Variants in PCDHGB4 observed in about 807,000 individuals in gnomAD.
PCDHGB4 encodes the protein protocadherin gamma subfamily B, 4.
In PCDHGB4, 38 loss-of-function variants were observed where a neutral mutation model predicts 60.5. The observed-to-expected ratio is 0.63, with a 90% confidence interval of 0.48 to 0.82. The LOEUF (loss-of-function observed/expected upper bound fraction) is 0.82, where lower values mean the gene tolerates loss of function less well. Ranked by LOEUF, PCDHGB4 falls within the 40% of genes least tolerant of loss-of-function variation. The pLI is 0.00. For synonymous variants in PCDHGB4, 456 were observed against 509.7 expected, an observed-to-expected ratio of 0.89 and a Z score of 1.42; for missense variants, 1,109 against 1,209.6, an observed-to-expected ratio of 0.92 and a Z score of 1.23.
At chr5:141,430,567 A>G in intron 1 of PCDHGB4, 1 of 434,308 alleles carries the variant, frequency 2.3e-6, no homozygotes, top group Non-Finnish European at 3.9e-6. Context: ...GGGGAGAGAA[A>G]AGCGGAGATC....
rs1345800081 is a variant in PCDHGB4, at chr5:141,485,453, G to A, written c.2398-9354G>A. 1 of 1,614,176 alleles carries A rather than the reference G, an allele frequency of 6.2e-7. No homozygotes were observed. The highest frequency in any genetic ancestry group is 8.5e-7 in the Non-Finnish European group (1 of 1,180,036). On this transcript the variant is annotated intron_variant, in intron 1 of 3. Transcript: ENST00000519479. The surrounding 1 kb of genome is among the most constrained non-coding windows in gnomAD (Gnocchi z 5.7). ...CATCAAGAACCCAATCGACCGAGAG[G>A]CACTGTGTGGGCTCAGTGCCAGCTG...
intron 1 of PCDHGB4, among the ~76,000 whole-genome samples, chr5:141,456,876 T>C (rs188356008): frequency 1.5e-3 from 222 of 152,196 alleles, no homozygotes; most frequent in African/African-American, 5.2e-3. Flanking sequence ...GGCAGGAGAA[T>C]CGCTTGAACC....
At chr5:141,479,590 A>T (rs2099500448) in intron 1 of PCDHGB4, 1 of 152,182 alleles carries the variant, frequency 6.6e-6, no homozygotes, top group Non-Finnish European at 1.5e-5. Context: ...TAGCCACTGC[A>T]CTCCAGCCTA....
chr5:141,408,699 CAATT>C (rs778787749), intron 1 of PCDHGB4: 9 of 1,613,534 alleles, frequency 5.6e-6, no homozygotes, highest in Non-Finnish European at 6.8e-6. Flanking sequence ...AACATAAACT[CAATT>C]AAAGATTATA....
intron 1 of PCDHGB4, chr5:141,409,179 G>T (rs761754962): frequency 1.2e-5 from 20 of 1,613,988 alleles, no homozygotes; most frequent in Non-Finnish European, 1.6e-5. Context: ...GACGGAGGTG[G>T]TCTCTCTACC....
At position 141,388,696 on chromosome 5, in the gene PCDHGB4, AGG is replaced by A. The variant is rs1404425662; in HGVS notation, c.814_815del (p.Gly272CysfsTer11). 1.2e-6 allele frequency: 2 copies of A among 1,613,882 alleles called. No homozygotes were observed. The highest frequency in any genetic ancestry group is 1.7e-6 in the Non-Finnish European group (2 of 1,179,900). The stretch of plus-strand genomic sequence containing the variant: ...CAGGTGACTGCCACGGACCAGGATG[AGG>A]GTGTCAATGCCGAGATTACTTTCTC... On this transcript the variant is annotated frameshift_variant, in exon 1 of 4. Transcript: ENST00000519479. LOFTEE classifies it high-confidence loss of function.
At chr5:141,455,740 G>C (rs2098830344) in intron 1 of PCDHGB4, among the ~76,000 whole-genome samples, 1 of 152,136 alleles carries the variant, frequency 6.6e-6, no homozygotes, top group Non-Finnish European at 1.5e-5. Context: ...GCATATCAAA[G>C]GTTGCTGGCC....
chr5:141,494,977 T>C, intron 2 of PCDHGB4, 112 bp downstream of exon 2: 1 of 1,574,332 alleles, frequency 6.4e-7, no homozygotes, highest in East Asian at 2.3e-5. Context: ...TCTCCCTCAG[T>C]TTGAGATCCC....
chr5:141,407,971 G>A, intron 1 of PCDHGB4: 2 of 717,762 alleles, frequency 2.8e-6, no homozygotes, highest in South Asian at 2.3e-5. Flanking sequence ...AAGCGCTGAC[G>A]CCGGGGATCC....
At chr5:141,471,217 T>G (rs2099252724) in intron 1 of PCDHGB4, 1 of 151,568 alleles carries the variant, frequency 6.6e-6, no homozygotes, top group South Asian at 2.1e-4. Context: ...GCCTGGCAAT[T>G]TTTTTGTATT....
chr5:141,405,407 C>G, intron 1 of PCDHGB4: 2 of 1,582,052 alleles, frequency 1.3e-6, no homozygotes, highest in Non-Finnish European at 1.7e-6. Flanking sequence ...TCTTTCTTTT[C>G]TTTTTTTGTT....
intron 1 of PCDHGB4, among the ~76,000 whole-genome samples, chr5:141,471,076 T>C (rs1463083616): frequency 1.5e-5 from 2 of 136,094 alleles, no homozygotes; most frequent in Non-Finnish European, 3.1e-5. Context: ...TGAGACAGGG[T>C]CTCCCTCTGT....
At chr5:141,423,346 G>T in intron 1 of PCDHGB4, 1 of 1,614,214 alleles carries the variant, frequency 6.2e-7, no homozygotes, top group South Asian at 1.1e-5. Context: ...CATCTTCCTG[G>T]TCTTTGTCAT....
chr5:141,433,256 C>T, intron 1 of PCDHGB4: 2 of 1,385,666 alleles, frequency 1.4e-6, no homozygotes, highest in Non-Finnish European at 2.0e-6. Context: ...TGCAGCGGTA[C>T]GATCATAGCT....
At chr5:141,430,595 G>T (rs549786394) in intron 1 of PCDHGB4, 3 of 567,018 alleles carry the variant, frequency 5.3e-6, no homozygotes, top group African/African-American at 1.9e-5. Context: ...CCTTGCACGC[G>T]CCTGAAGCAC....
chr5:141,486,555 A>T lies in PCDHGB4; in HGVS notation c.2398-8252A>T, dbSNP rs746001345. The T allele has an allele frequency of 6.2e-6, 10 of 1,614,078 alleles. No individual in the cohort carries two copies. Among genetic ancestry groups the T allele is most frequent in the Non-Finnish European group, 7.6e-6 (9 of 1,180,022 alleles). ...CCCTCTTTCTTTCAGAGGTCACATGAGGTGTTTGTTCCTGAGAACAATCGC... is the reference window on the plus strand; with the variant it reads ...CCCTCTTTCTTTCAGAGGTCACATGTGGTGTTTGTTCCTGAGAACAATCGC... On this transcript the variant is annotated intron_variant, in intron 1 of 3. Transcript: ENST00000519479. This position sits in a 1 kb window ranked among gnomAD's most constrained non-coding sequence, Gnocchi z 5.0.
chr5:141,405,459 A>T, intron 1 of PCDHGB4: 2 of 1,229,452 alleles, frequency 1.6e-6, no homozygotes, highest in Non-Finnish European at 2.3e-6. Flanking sequence ...TTACTCTGTT[A>T]CCCAGGCTGG....
chr5:141,419,322 C>T lies in PCDHGB4; in HGVS notation c.2397+29041C>T, dbSNP rs370480327. The stretch of plus-strand genomic sequence containing the variant: ...GACTTCGGGCTCAACGGCCGTGTCT[C>T]CTACTCTCTCATTGCCAGCGACCTG... On this transcript the variant is annotated intron_variant, in intron 1 of 3. Transcript: ENST00000519479. 164 of 1,613,852 alleles carry T rather than the reference C, an allele frequency of 1.0e-4. No individual in the cohort carries two copies. Among genetic ancestry groups the T allele is most frequent in the Non-Finnish European group, 1.3e-4 (153 of 1,179,898 alleles).
At chr5:141,420,216 T>C in intron 1 of PCDHGB4, 1 of 1,609,316 alleles carries the variant, frequency 6.2e-7, no homozygotes, top group African/African-American at 1.3e-5. Context: ...AAAGATAGCA[T>C]GCTACTGGCT....
Sources: gnomAD v4.1 joint callset for allele counts (sites outside exome capture counted in the v4.1 genomes callset) on GRCh38, gnomAD v4.1.1 for gene constraint, Gnocchi (gnomAD v3.1) non-coding constraint, MANE v1.5 for transcripts, NCBI Gene and HGNC (gene_info 2026-07-23, HGNC 2026-07-21) for gene names.